ZMYM4: variants seen among roughly 807,000 people sequenced by gnomAD.
The protein encoded by ZMYM4 is zinc finger MYM-type protein 4.
In ZMYM4, 31 loss-of-function variants were observed where a neutral mutation model predicts 183.2. The observed-to-expected ratio is 0.17, with a 90% confidence interval of 0.13 to 0.23. The LOEUF (loss-of-function observed/expected upper bound fraction) is 0.23. Among genes scored for constraint, ZMYM4 ranks in the 10% least tolerant of loss-of-function variants. The pLI, the probability that ZMYM4 is intolerant of heterozygous loss-of-function variation, is 1.00. For synonymous variants in ZMYM4, 592 were observed against 631.2 expected (o/e 0.94, Z 0.93); for missense variants, 1,273 against 1,840.3 (o/e 0.69, Z 5.64).
chr1:35,290,641 G>C (rs1167998577), intron 1 of ZMYM4, among the ~76,000 whole-genome samples: 1 of 151,782 alleles, frequency 6.6e-6, no homozygotes, highest in African/African-American at 2.4e-5. Flanking sequence ...TGTTGCCCAG[G>C]CTGGTCTTGA....
chr1:35,319,310 C>T (rs979596048), intron 1 of ZMYM4, among the ~76,000 whole-genome samples: 1 of 151,770 alleles, frequency 6.6e-6, no homozygotes, highest in Non-Finnish European at 1.5e-5. Context: ...TATATTTCTG[C>T]GTGGTAGCTG....
chr1:35,333,303 G>A (rs1410832015), intron 2 of ZMYM4, among the ~76,000 whole-genome samples: 3 of 144,170 alleles, frequency 2.1e-5, no homozygotes, highest in Non-Finnish European at 3.0e-5. Context: ...TGTTGCCCAG[G>A]TTGGAGTGCA....
chr1:35,313,513 C>T (rs534111570), intron 1 of ZMYM4, among the ~76,000 whole-genome samples: 6 of 151,712 alleles, frequency 4.0e-5, no homozygotes, highest in African/African-American at 9.7e-5. Flanking sequence ...CTCAGCCTCC[C>T]GAGTAGCTGG....
intron 2 of ZMYM4, 149 bp from the exon 3 acceptor site, chr1:35,358,776 C>A: frequency 1.5e-6 from 1 of 675,372 alleles, no homozygotes. Context: ...TTATATCTGT[C>A]ACACCTATAT....
At chr1:35,328,420 A>G (rs1388329305) in intron 2 of ZMYM4, among the ~76,000 whole-genome samples, 4 of 150,376 alleles carry the variant, frequency 2.7e-5, no homozygotes, top group Non-Finnish European at 5.9e-5. Flanking sequence ...AGCTGGGACT[A>G]TAGATGTGAT....
At chr1:35,400,484 C>T (rs1010629081) in intron 23 of ZMYM4, among the ~76,000 whole-genome samples, 28 of 152,056 alleles carry the variant, frequency 1.8e-4, no homozygotes, top group African/African-American at 6.8e-4. Flanking sequence ...GGATTACAGG[C>T]GTGAGCCACC....
chr1:35,323,549 G>C (rs187025651), intron 1 of ZMYM4, among the ~76,000 whole-genome samples: 1 of 150,532 alleles, frequency 6.6e-6, no homozygotes, highest in Admixed American at 6.6e-5. Context: ...TGTTTTTTTG[G>C]TGTTTTTTTT....
At chr1:35,359,562 C>A in intron 3 of ZMYM4, 116 bp downstream of exon 3, 1 of 1,067,590 alleles carries the variant, frequency 9.4e-7, no homozygotes, top group Non-Finnish European at 1.3e-6. Flanking sequence ...TCATTGTAAG[C>A]TTGTCATTTT....
intron 28 of ZMYM4, among the ~76,000 whole-genome samples, chr1:35,417,123 A>G (rs1640148175): frequency 6.6e-6 from 1 of 151,854 alleles, no homozygotes; most frequent in Non-Finnish European, 1.5e-5. Flanking sequence ...TGTAATCCCA[A>G]TATTTTGGGA....
chr1:35,338,519 G>A (rs1643069018), intron 2 of ZMYM4, among the ~76,000 whole-genome samples: 1 of 152,074 alleles, frequency 6.6e-6, no homozygotes, highest in Admixed American at 6.6e-5. Context: ...GTGGGGTAGG[G>A]GAATGTCCTG....
intron 7 of ZMYM4, among the ~76,000 whole-genome samples, chr1:35,375,622 T>C (rs1644318391): frequency 6.6e-6 from 1 of 152,232 alleles, no homozygotes; most frequent in African/African-American, 2.4e-5. Flanking sequence ...AGCACTTAGG[T>C]TAGAAGAAGC....
intron 7 of ZMYM4, among the ~76,000 whole-genome samples, chr1:35,375,395 T>C (rs1644313325): frequency 6.6e-6 from 1 of 152,228 alleles, no homozygotes; most frequent in Non-Finnish European, 1.5e-5. Flanking sequence ...ATAAGGAAGC[T>C]AAATTCAAAG....
At chr1:35,291,739 G>A (rs891774115) in intron 1 of ZMYM4, among the ~76,000 whole-genome samples, 2 of 150,510 alleles carry the variant, frequency 1.3e-5, no homozygotes, top group Non-Finnish European at 2.9e-5. Context: ...CTGAGTTCAA[G>A]CGATTCTCCT....
At chr1:35,399,841 T>C (rs1644871856) in intron 23 of ZMYM4, among the ~76,000 whole-genome samples, 2 of 152,154 alleles carry the variant, frequency 1.3e-5, no homozygotes, top group Admixed American at 1.3e-4. Flanking sequence ...TTTTATGCTT[T>C]ATCTGTTTGA....
intron 17 of ZMYM4, 90 bp downstream of exon 17, chr1:35,392,774 T>C: frequency 1.1e-6 from 1 of 936,222 alleles, no homozygotes; most frequent in South Asian, 1.9e-5. Flanking sequence ...TTGCCCTCCT[T>C]CTTTATTATA....
chr1:35,274,349 A>G (rs925498157), intron 1 of ZMYM4, among the ~76,000 whole-genome samples: 1 of 152,144 alleles, frequency 6.6e-6, no homozygotes, highest in African/African-American at 2.4e-5. Flanking sequence ...TCATGCTTGT[A>G]ATCCTAGCAC....
At chr1:35,311,908 G>C (rs571329155) in intron 1 of ZMYM4, among the ~76,000 whole-genome samples, 2 of 147,128 alleles carry the variant, frequency 1.4e-5, no homozygotes, top group African/African-American at 5.0e-5. Context: ...CTTTTTTTTC[G>C]AGACGAGGTC....
chr1:35,302,480 G>T (rs569368523), intron 1 of ZMYM4, among the ~76,000 whole-genome samples: 12 of 149,934 alleles, frequency 8.0e-5, no homozygotes, highest in Non-Finnish European at 1.5e-4. Flanking sequence ...CCGCCTCCCG[G>T]TTTCATGCCA....
chr1:35,312,411 C>A (rs529781347), intron 1 of ZMYM4, among the ~76,000 whole-genome samples: 1 of 152,120 alleles, frequency 6.6e-6, no homozygotes, highest in Non-Finnish European at 1.5e-5. Flanking sequence ...AACATAAAAT[C>A]TTCCATTTAA....
Sources: gnomAD v4.1 joint callset for allele counts (sites outside exome capture counted in the v4.1 genomes callset) on GRCh38, gnomAD v4.1.1 for gene constraint, MANE v1.5 for transcripts, NCBI Gene and HGNC (gene_info 2026-07-23, HGNC 2026-07-21) for gene names.